The following AGBL1 variants were observed in gnomAD, a reference collection of about 807,000 sequenced individuals.
The protein encoded by AGBL1 is cytosolic carboxypeptidase 4.
Under a neutral mutation model 118.9 loss-of-function variants are expected in AGBL1, and 130 were observed. The observed-to-expected ratio is 1.09, with a 90% CI of 0.95 to 1.26. AGBL1 has a LOEUF of 1.26. Among genes scored for constraint, AGBL1 ranks in the 50% most tolerant of loss-of-function variants. The pLI, the probability that AGBL1 is intolerant of heterozygous loss-of-function variation, is 0.00. For missense variants in AGBL1, 1,584 were observed against 1,298.1 expected, an observed-to-expected ratio of 1.22 and a Z score of -3.38; for synonymous variants, 555 against 478.9, an observed-to-expected ratio of 1.16 and a Z score of -2.08.
At chr15:86,416,804 C>T (rs536453289) in intron 18 of AGBL1, among the ~76,000 whole-genome samples, 45 of 152,204 alleles carry the variant, frequency 3.0e-4, no homozygotes, top group African/African-American at 1.1e-3. Flanking sequence ...TTTTGTTCAA[C>T]CTAGTTTTTC....
chr15:86,875,470 G>A (rs956492449), intron 22 of AGBL1, among the ~76,000 whole-genome samples: 5 of 152,128 alleles, frequency 3.3e-5, no homozygotes, highest in African/African-American at 1.2e-4. Context: ...TGAGCGGTTG[G>A]GATCAGCGTT....
intron 20 of AGBL1, among the ~76,000 whole-genome samples, chr15:86,547,171 T>A (rs553310825): frequency 2.0e-5 from 3 of 152,150 alleles, no homozygotes; most frequent in African/African-American, 4.8e-5. Context: ...ACCAGAGTAA[T>A]GGTGATAAAC....
intron 6 of AGBL1, among the ~76,000 whole-genome samples, chr15:86,243,835 C>A (rs1380871593): frequency 6.6e-6 from 1 of 151,858 alleles, no homozygotes; most frequent in East Asian, 1.9e-4. Flanking sequence ...ATGGTGAAAC[C>A]CCGTCTCTAC....
rs1458105320 is a variant in AGBL1 at position 86,501,521 on chromosome 15, C to T, written c.2556-21289C>T. Among the ~76,000 whole-genome samples, 8 of 151,664 alleles carry T rather than the reference C, an allele frequency of 5.3e-5. No individual in the cohort carries two copies. In the South Asian group the frequency reaches 1.4e-3, roughly 27 times the overall value. On this transcript the variant is annotated intron_variant, in intron 18 of 22. Coordinates refer to ENST00000614907, the MANE Select transcript of AGBL1 (RefSeq NM_001386094.1). Reference sequence around the variant, plus strand: ...GATGTTATATCTAAGAAACCATACCCTAACCCAGGGTCACCAAGATTTATT... The same window carrying T: ...GATGTTATATCTAAGAAACCATACCTTAACCCAGGGTCACCAAGATTTATT...
At chr15:86,304,258 T>G (rs1021607188) in intron 17 of AGBL1, among the ~76,000 whole-genome samples, 10 of 152,168 alleles carry the variant, frequency 6.6e-5, no homozygotes, top group Non-Finnish European at 1.3e-4. Context: ...TTCTACTTAT[T>G]GAACACAGCA....
chr15:86,937,179 C>T (rs12438166), intron 23 of AGBL1, among the ~76,000 whole-genome samples: 13,391 of 152,140 alleles, frequency 0.088, 715 homozygotes, highest in South Asian at 0.24. Flanking sequence ...TGTGGAGTAA[C>T]GGGAACACTT....
chr15:86,257,886 C>A, intron 8 of AGBL1, 78 bp from the exon 9 acceptor site: 1 of 1,406,162 alleles, frequency 7.1e-7, no homozygotes, highest in Non-Finnish European at 9.9e-7. Context: ...GAAAGAACCA[C>A]TGTATGGTGA....
rs558598412 is a variant in AGBL1 at position 86,850,840 on chromosome 15, T to C, written c.3159-56247T>C. On this transcript the variant is annotated intron_variant, in intron 22 of 22. Coordinates refer to ENST00000614907, the MANE Select transcript of AGBL1 (RefSeq NM_001386094.1). ...AGCTAAAAAACAAAACAAAACAAAA[T>C]GAAAAGATAGTTTCCTTCTGGTCAA... 3.3e-4 allele frequency among the ~76,000 whole-genome samples: 50 copies of C among 152,008 alleles called. No homozygotes were observed. The South Asian group carries it at 0.01, about 32-fold the overall frequency.
In AGBL1 at chr15:86,900,882, C is replaced by T. The variant is rs561638807; in HGVS notation, c.3159-6205C>T. 4.6e-5 allele frequency among the ~76,000 whole-genome samples: 7 copies of T among 152,312 alleles called. No individual in the cohort carries two copies. In the South Asian group the frequency reaches 1.4e-3, roughly 32 times the overall value. On this transcript the variant is annotated intron_variant, in intron 22 of 22. Coordinates refer to ENST00000614907, the MANE Select transcript of AGBL1 (RefSeq NM_001386094.1). ...AGCTATCAGTTTACCTGGACCCTCT[C>T]TAATGCAACACTTAACAATCTTCTC...
At chr15:86,849,377 T>A (rs979700046) in intron 22 of AGBL1, among the ~76,000 whole-genome samples, 1 of 152,190 alleles carries the variant, frequency 6.6e-6, no homozygotes, top group African/African-American at 2.4e-5. Flanking sequence ...AGCCATTCCT[T>A]CTACTAGAAG....
At chr15:86,234,550 CAA>C (rs397854519) in intron 6 of AGBL1, among the ~76,000 whole-genome samples, 1,835 of 76,262 alleles carry the variant, frequency 0.024, 20 homozygotes, top group Middle Eastern at 0.071. Flanking sequence ...GACTCTATCT[CAA>C]AAAAAAAAAA....
At chr15:86,477,516 C>A (rs192461380) in intron 18 of AGBL1, among the ~76,000 whole-genome samples, 3,268 of 152,248 alleles carry the variant, frequency 0.021, 123 homozygotes, top group African/African-American at 0.072. Flanking sequence ...CATACACCCT[C>A]CCAAGACTAA....
intron 9 of AGBL1, 35 bp from the exon 10 acceptor site, chr15:86,262,743 T>C: frequency 7.0e-7 from 1 of 1,425,024 alleles, no homozygotes; most frequent in Non-Finnish European, 9.8e-7. Flanking sequence ...GTGGATTTCC[T>C]GACTGTAATC....
intron 23 of AGBL1, among the ~76,000 whole-genome samples, chr15:86,928,568 A>C (rs1465027214): frequency 6.6e-6 from 1 of 152,156 alleles, no homozygotes; most frequent in Non-Finnish European, 1.5e-5. Flanking sequence ...GCTTCTACAA[A>C]TGTGGAAGAA....
chr15:86,142,166 C>A (rs373541621), intron 2 of AGBL1, 99 bp downstream of exon 2: 1 of 1,213,918 alleles, frequency 8.2e-7, no homozygotes, highest in Non-Finnish European at 1.2e-6. Context: ...TTTGCTCTTG[C>A]TTCAGTTTCC....
rs180747312 is a variant in AGBL1, at chr15:86,412,165, C to G, written c.2555+14619C>G. 4.5e-3 allele frequency among the ~76,000 whole-genome samples: 681 copies of G among 152,310 alleles called. 4 individuals are homozygous for G. The highest frequency in any genetic ancestry group is 8.0e-3 in the Non-Finnish European group (545 of 68,024). On this transcript the variant is annotated intron_variant, in intron 18 of 22. Coordinates refer to ENST00000614907, the MANE Select transcript of AGBL1 (RefSeq NM_001386094.1). ...CATTTTTCCCTCTGTAGATAACATT[C>G]TCTTAACTAGTCTATACAGACATGC...
At chr15:86,762,829 T>G (rs2078045440) in intron 22 of AGBL1, among the ~76,000 whole-genome samples, 1 of 151,992 alleles carries the variant, frequency 6.6e-6, no homozygotes, top group African/African-American at 2.4e-5. Context: ...TTCCTCCTTG[T>G]GGAATATTTG....
chr15:86,271,884 C>G (rs552926848), intron 15 of AGBL1, among the ~76,000 whole-genome samples, 178 bp downstream of exon 15: 19 of 152,296 alleles, frequency 1.2e-4, no homozygotes, highest in African/African-American at 4.6e-4. Flanking sequence ...TTCACTGGCA[C>G]GCACAGTAGA....
At chr15:86,830,206 C>T (rs1411129187) in intron 22 of AGBL1, among the ~76,000 whole-genome samples, 1 of 151,634 alleles carries the variant, frequency 6.6e-6, no homozygotes, top group Admixed American at 6.6e-5. Context: ...TTTTTTTTAC[C>T]TACACATTAT....
Sources: allele counts gnomAD v4.1 joint callset (sites outside exome capture counted in the v4.1 genomes callset), GRCh38; gene constraint gnomAD v4.1.1; transcripts MANE v1.5; gene names NCBI Gene and HGNC (gene_info 2026-07-23, HGNC 2026-07-21).